Variants in EXOC4 observed in about 807,000 individuals in gnomAD.
EXOC4 encodes the protein exocyst complex component 4, also known as SEC8-like 1.
In EXOC4, 71 loss-of-function variants were observed where a neutral mutation model predicts 107.2. The observed-to-expected ratio is 0.66, with a 90% confidence interval of 0.55 to 0.81. The LOEUF (loss-of-function observed/expected upper bound fraction) is 0.81, where lower values mean the gene tolerates loss of function less well. Among genes scored for constraint, EXOC4 ranks in the 30% least tolerant of loss-of-function variants. EXOC4 has a pLI of 0.00. For missense variants in EXOC4, 1,108 were observed against 1,189.6 expected (o/e 0.93, Z 1.01); for synonymous variants, 456 against 441.2 (o/e 1.03, Z -0.42).
chr7:133,547,108 T>C (rs554476072), intron 9 of EXOC4, among the ~76,000 whole-genome samples: 1 of 152,178 alleles, frequency 6.6e-6, no homozygotes, highest in Non-Finnish European at 1.5e-5. Context: ...TATAGGCATA[T>C]GTTGGAGGTA....
the EXOC4 span, among the ~76,000 whole-genome samples, chr7:134,077,701 G>A: frequency 5.3e-5 from 8 of 152,338 alleles, no homozygotes; most frequent in East Asian, 9.6e-4. Context: ...TACAGAGGGA[G>A]GACAAAGACA....
At chr7:133,581,715 G>A (rs1057159077) in intron 9 of EXOC4, among the ~76,000 whole-genome samples, 11 of 139,914 alleles carry the variant, frequency 7.9e-5, no homozygotes, top group South Asian at 4.5e-4. Context: ...CCGGGATAGC[G>A]CCACTGCAGT....
At chr7:133,458,794 T>G (rs1211994530) in intron 7 of EXOC4, among the ~76,000 whole-genome samples, 1 of 152,200 alleles carries the variant, frequency 6.6e-6, no homozygotes, top group East Asian at 1.9e-4. Flanking sequence ...CACGTAAAAA[T>G]AAGCATGGTA....
rs545153815 is a variant in EXOC4 at position 133,676,895 on chromosome 7, AAAAT to A, written c.1514+46759_1514+46762del. 7.9e-5 allele frequency among the ~76,000 whole-genome samples: 12 copies of A among 151,382 alleles called. No individual in the cohort carries two copies. In the South Asian group the frequency reaches 2.5e-3, roughly 32 times the overall value. ...CAAAAAGTTATATTCATTTAATCAA[AAAAT>A]AAATTATTGGGGGGTATGTAGTAAA... On this transcript the variant is annotated intron_variant, in intron 10 of 17. Transcript: ENST00000253861.
chr7:133,473,508 C>G (rs1798931927), intron 7 of EXOC4, among the ~76,000 whole-genome samples: 1 of 152,052 alleles, frequency 6.6e-6, no homozygotes. Flanking sequence ...GCAGTATTGA[C>G]CCCTTTATTA....
At chr7:133,655,905 A>G (rs777283227) in intron 10 of EXOC4, among the ~76,000 whole-genome samples, 1 of 152,204 alleles carries the variant, frequency 6.6e-6, no homozygotes, top group Non-Finnish European at 1.5e-5. Context: ...GGTATTATCA[A>G]CTTTACATAA....
intron 7 of EXOC4, among the ~76,000 whole-genome samples, chr7:133,456,967 C>A (rs1798476756): frequency 6.6e-6 from 1 of 152,214 alleles, no homozygotes; most frequent in South Asian, 2.1e-4. Flanking sequence ...TGGAAGACCA[C>A]TGAAGAACAC....
At chr7:133,611,538 C>T (rs563928342) in intron 9 of EXOC4, among the ~76,000 whole-genome samples, 1 of 152,142 alleles carries the variant, frequency 6.6e-6, no homozygotes, top group African/African-American at 2.4e-5. Flanking sequence ...ACCTACCACA[C>T]CCTGTTGATC....
the EXOC4 span, among the ~76,000 whole-genome samples, chr7:134,072,012 T>C: frequency 6.6e-6 from 1 of 152,188 alleles, no homozygotes; most frequent in Non-Finnish European, 1.5e-5. Context: ...TCCTCTCTGC[T>C]TCTCCTCCAC....
chr7:133,972,423 G>C (rs1349123627), intron 14 of EXOC4, among the ~76,000 whole-genome samples: 1 of 152,150 alleles, frequency 6.6e-6, no homozygotes, highest in African/African-American at 2.4e-5. Flanking sequence ...TTCTGAAAAT[G>C]TGTTTCAGTG....
chr7:133,890,559 C>A (rs1799184185), intron 11 of EXOC4, among the ~76,000 whole-genome samples: 1 of 140,100 alleles, frequency 7.1e-6, no homozygotes, highest in South Asian at 2.5e-4. Context: ...GGTTTTAGGT[C>A]TAACGTTTAA....
intron 9 of EXOC4, chr7:133,484,078 T>G (rs776075633): frequency 6.2e-7 from 1 of 1,613,748 alleles, no homozygotes; most frequent in Non-Finnish European, 8.5e-7. Flanking sequence ...ACAATCAAAG[T>G]AACATTAAAA....
chr7:133,476,988 T>G (rs905095822), intron 8 of EXOC4, among the ~76,000 whole-genome samples: 2 of 152,134 alleles, frequency 1.3e-5, no homozygotes, highest in African/African-American at 4.8e-5. Context: ...CCTGTGAATC[T>G]CTCTCTTTAA....
intron 5 of EXOC4, among the ~76,000 whole-genome samples, chr7:133,340,423 C>CTTT (rs200341512): frequency 3.1e-5 from 4 of 129,558 alleles, no homozygotes; most frequent in South Asian, 2.4e-4. Flanking sequence ...TAGTATTTTT[C>CTTT]TTTTTTTTTT....
intron 10 of EXOC4, among the ~76,000 whole-genome samples, chr7:133,660,718 A>T (rs7808879): frequency 0.45 from 68,616 of 151,956 alleles, 15,762 homozygotes; most frequent in South Asian, 0.62. Context: ...CTTGTTAGGG[A>T]GACCCAATGG....
chr7:133,855,127 AAATATAT>A (rs1459343661), intron 11 of EXOC4, among the ~76,000 whole-genome samples: 1 of 81,120 alleles, frequency 1.2e-5, no homozygotes, highest in African/African-American at 6.6e-5. Context: ...ATATATATAT[AAATATAT>A]ATATATATAA....
At chr7:133,475,958 C>T (rs928887215) in intron 8 of EXOC4, among the ~76,000 whole-genome samples, 3 of 151,968 alleles carry the variant, frequency 2.0e-5, no homozygotes, top group South Asian at 2.1e-4. Context: ...ACTCCATGAA[C>T]CCATGTGCCC....
chr7:133,813,337 G>A (rs1797283030), intron 10 of EXOC4, among the ~76,000 whole-genome samples: 2 of 152,094 alleles, frequency 1.3e-5, no homozygotes, highest in South Asian at 4.1e-4. Context: ...TCTGATAAAT[G>A]TTAAATATTT....
chr7:133,438,713 A>G (rs749843491), intron 7 of EXOC4, among the ~76,000 whole-genome samples: 14 of 152,192 alleles, frequency 9.2e-5, no homozygotes, highest in Non-Finnish European at 4.4e-5. Context: ...TTTATCTTAA[A>G]CGCAGCAGCC....
Sources: gnomAD v4.1 joint callset for allele counts (sites outside exome capture counted in the v4.1 genomes callset) on GRCh38, gnomAD v4.1.1 for gene constraint, MANE v1.5 for transcripts, NCBI Gene and HGNC (gene_info 2026-07-23, HGNC 2026-07-21) for gene names.